The following CDC42BPB variants were observed in gnomAD, a reference collection of about 807,000 sequenced individuals.
The protein encoded by CDC42BPB is CDC42 binding protein kinase beta.
In CDC42BPB, 37 loss-of-function variants were observed where a neutral mutation model predicts 214.9. The observed-to-expected ratio is 0.17, with a 90% confidence interval of 0.13 to 0.23. CDC42BPB has a LOEUF of 0.23. CDC42BPB is among the 10% of genes least tolerant of loss of function. CDC42BPB has a pLI of 1.00. For missense variants in CDC42BPB, 1,694 were observed against 2,227.0 expected (o/e 0.76, Z 4.82); for synonymous variants, 931 against 884.0 (o/e 1.05, Z -0.94).
At chr14:102,959,325 C>T (rs1050529379) in intron 21 of CDC42BPB, among the ~76,000 whole-genome samples, 2 of 151,418 alleles carry the variant, frequency 1.3e-5, no homozygotes, top group African/African-American at 4.9e-5. Context: ...ACTCACTACA[C>T]AGCTGAGGCC....
At chr14:103,011,887 G>A (rs974617058) in intron 2 of CDC42BPB, among the ~76,000 whole-genome samples, 2 of 151,500 alleles carry the variant, frequency 1.3e-5, no homozygotes, top group South Asian at 2.1e-4. Flanking sequence ...AGGCCGAGGC[G>A]GGGAGATCAC....
At chr14:102,971,547 C>CT (rs1893473966) in intron 13 of CDC42BPB, among the ~76,000 whole-genome samples, 2 of 152,220 alleles carry the variant, frequency 1.3e-5, no homozygotes, top group Admixed American at 1.3e-4. Flanking sequence ...ATCTTGGCGC[C>CT]TCCCACAGTG....
intron 1 of CDC42BPB, among the ~76,000 whole-genome samples, chr14:103,049,735 CA>C (rs1458621543): frequency 1.1e-4 from 16 of 152,200 alleles, no homozygotes; most frequent in African/African-American, 3.9e-4. Flanking sequence ...TTATTTGAGA[CA>C]AAATTTTGCT....
Position 102,970,246 on chromosome 14 carries a change from C to G in CDC42BPB, c.1900G>C (p.Asp634His), listed in dbSNP as rs372304425. The change falls in exon 14 of 37, where the codon GAT becomes CAT. Residue 634 changes from aspartate to histidine, a missense_variant. This residue lies in a region of CDC42BPB where 462 missense variants were observed against 513.5 expected (regional missense o/e 0.90). Transcript: ENST00000361246. The stretch of plus-strand genomic sequence containing the variant: ...TTGGAGGCCTCAGCAACAGCATCAT[C>G]AAGCTGAGCTTCCAGCTACAAAAGG... Reference protein sequence around the residue: ...KLRKELEAQLDDAVAEASKER... With the variant: ...KLRKELEAQLHDAVAEASKER... 15 of 1,612,964 alleles carry G rather than the reference C, an allele frequency of 9.3e-6. No individual in the cohort carries two copies. Among genetic ancestry groups the G allele is most frequent in the Non-Finnish European group, 1.0e-5 (12 of 1,179,582 alleles).
chr14:102,966,435 G>A (rs761633911), intron 17 of CDC42BPB, 48 bp from the exon 18 acceptor site: 3 of 1,603,986 alleles, frequency 1.9e-6, no homozygotes, highest in Non-Finnish European at 2.6e-6. Flanking sequence ...GGCTATCAGG[G>A]AGAAGCCAAA....
intron 27 of CDC42BPB, chr14:102,946,899 G>A (rs1156916540): frequency 9.2e-6 from 9 of 983,602 alleles, no homozygotes; most frequent in East Asian, 1.1e-4. Flanking sequence ...CCGTGAGATC[G>A]CTTCCTGGTC....
rs370780803 is a variant in CDC42BPB, at chr14:102,949,908, T to C, written c.3310-4A>G. ...TCACCCCCGTGGGCTTTGGGACCTA[T>C]GAATAAAAACAAACAGTGGCCACGT... is the stretch of plus-strand genomic sequence containing the variant. On this transcript the variant is annotated splice_polypyrimidine_tract_variant and splice_region_variant and intron_variant, in intron 25 of 36. Coordinates refer to ENST00000361246, the MANE Select transcript of CDC42BPB (RefSeq NM_006035.4). The C allele has an allele frequency of 1.0e-4, 164 of 1,612,962 alleles. No individual in the cohort carries two copies. The highest frequency in any genetic ancestry group is 3.3e-4 in the Middle Eastern group (2 of 6,070).
At chr14:102,959,790 A>G in intron 20 of CDC42BPB, 80 bp from the exon 21 acceptor site, 1 of 1,459,746 alleles carries the variant, frequency 6.9e-7, no homozygotes, top group Non-Finnish European at 9.1e-7. Flanking sequence ...AGTGTCTTCA[A>G]GATGTCAATT....
At chr14:102,958,589 CGGAATGCCACCAA>C (rs2052055234) in intron 21 of CDC42BPB, among the ~76,000 whole-genome samples, 1 of 152,118 alleles carries the variant, frequency 6.6e-6, no homozygotes, top group Non-Finnish European at 1.5e-5. Flanking sequence ...CCTGCCTCCA[CGGAATGCCACCAA>C]GAACCTGCGG....
chr14:103,017,634 G>A (rs1171095607), intron 1 of CDC42BPB, among the ~76,000 whole-genome samples: 1 of 151,882 alleles, frequency 6.6e-6, no homozygotes, highest in Non-Finnish European at 1.5e-5. Context: ...TCCAACCACC[G>A]GGAAACACCA....
rs371292005 is a variant in CDC42BPB at position 102,999,411 on chromosome 14, C to T, written c.596+154G>A. 5.9e-5 allele frequency among the ~76,000 whole-genome samples: 9 copies of T among 152,248 alleles called. No individual in the cohort carries two copies. The East Asian group carries it at 1.3e-3, about 23-fold the overall frequency. On this transcript the variant is annotated intron_variant, in intron 5 of 36. Transcript: ENST00000361246. ...TCCACCGGCTGCTGGGGCTGGAAGA[C>T]GGTGATGTGGGCAAATCAGTCTGTG...
intron 1 of CDC42BPB, among the ~76,000 whole-genome samples, chr14:103,013,894 A>G (rs572655588): frequency 5.2e-4 from 79 of 152,320 alleles, no homozygotes; most frequent in African/African-American, 1.7e-3. Context: ...GGCCAGGCGC[A>G]GTGGCTCACA....
intron 34 of CDC42BPB, among the ~76,000 whole-genome samples, chr14:102,939,074 C>T (rs1251051224): frequency 2.0e-5 from 3 of 151,980 alleles, no homozygotes; most frequent in Non-Finnish European, 4.4e-5. Context: ...GTAGCTGGGA[C>T]TACAGGCACC....
chr14:102,951,959 A>C (rs34871258), intron 24 of CDC42BPB, among the ~76,000 whole-genome samples: 2,231 of 152,290 alleles, frequency 0.015, 66 homozygotes, highest in African/African-American at 0.051. Flanking sequence ...TTCTCAGTAG[A>C]TGAGTTGAGT....
At chr14:103,031,933 C>T (rs1296924398) in intron 1 of CDC42BPB, among the ~76,000 whole-genome samples, 1 of 151,960 alleles carries the variant, frequency 6.6e-6, no homozygotes, top group Non-Finnish European at 1.5e-5. Context: ...TTGTCAACTC[C>T]AAAGTGTCTC....
rs1201564173 is a variant in CDC42BPB at position 102,971,786 on chromosome 14, C to T, written c.1884+133G>A. 18 of 834,426 alleles carry T rather than the reference C, an allele frequency of 2.2e-5. No individual in the cohort carries two copies. The East Asian group carries it at 3.2e-4, about 15-fold the overall frequency. 51.7% of individuals were successfully genotyped at this position (834,426 alleles called of 1,614,324 possible). On this transcript the variant is annotated intron_variant, in intron 13 of 36. Coordinates refer to ENST00000361246, the MANE Select transcript of CDC42BPB (RefSeq NM_006035.4). ...GAGAACAACAAAATAAATGCTCGGC[C>T]GATCAACTTACTTGGCTCCACAGAA... is the stretch of plus-strand genomic sequence containing the variant.
chr14:102,981,046 GT>G, intron 7 of CDC42BPB, 25 bp from the exon 8 acceptor site: 1 of 1,613,648 alleles, frequency 6.2e-7, no homozygotes, highest in Non-Finnish European at 8.5e-7. Flanking sequence ...AAAAACACCG[GT>G]GGACAGGTGG....
intron 1 of CDC42BPB, among the ~76,000 whole-genome samples, chr14:103,056,012 C>T (rs913659348): frequency 2.6e-4 from 39 of 152,302 alleles, no homozygotes; most frequent in African/African-American, 9.1e-4. Context: ...GGGTCTTGAC[C>T]GGCACACCCG....
At chr14:102,996,221 T>A (rs56285866) in intron 5 of CDC42BPB, among the ~76,000 whole-genome samples, 2,053 of 152,150 alleles carry the variant, frequency 0.013, 22 homozygotes, top group Middle Eastern at 0.048. Context: ...GCACCTGTAG[T>A]CCCAGCTACT....
Sources: allele counts gnomAD v4.1 joint callset (sites outside exome capture counted in the v4.1 genomes callset), GRCh38; gene constraint gnomAD v4.1.1; regional missense constraint gnomAD v4.1.1; transcripts MANE v1.5; gene names NCBI Gene and HGNC (gene_info 2026-07-23, HGNC 2026-07-21).